ABCA9: variants seen among roughly 807,000 people sequenced by gnomAD.
ABCA9 encodes ATP-binding cassette sub-family A member 9.
A neutral mutation model predicts 205.3 loss-of-function variants in ABCA9; 183 were observed. The observed-to-expected ratio is 0.89, with a 90% CI of 0.79 to 1.01. ABCA9 has a LOEUF of 1.01. ABCA9 is among the 50% of genes least tolerant of loss of function. ABCA9 has a pLI of 0.00. For missense variants in ABCA9, 1,805 were observed against 1,912.4 expected, an observed-to-expected ratio of 0.94 and a Z score of 1.05; for synonymous variants, 651 against 683.3, an observed-to-expected ratio of 0.95 and a Z score of 0.74.
chr17:68,996,850 A>C (rs1246181289), intron 25 of ABCA9, among the ~76,000 whole-genome samples: 1 of 152,138 alleles, frequency 6.6e-6, no homozygotes, highest in Non-Finnish European at 1.5e-5. Context: ...TGACTTATAT[A>C]GTTTTCTTCC....
intron 1 of ABCA9, among the ~76,000 whole-genome samples, chr17:69,053,362 G>A (rs910830061): frequency 6.6e-6 from 1 of 152,070 alleles, no homozygotes; most frequent in Non-Finnish European, 1.5e-5. Context: ...TATAACTAAC[G>A]CTATTCCCAT....
In ABCA9 at chr17:69,007,825, A is replaced by T. The variant is rs112499807; in HGVS notation, c.3369T>A (p.Tyr1123Ter). 6 of 1,611,812 alleles carry T rather than the reference A, an allele frequency of 3.7e-6. No individual in the cohort carries two copies. Among genetic ancestry groups the T allele is most frequent in the Non-Finnish European group, 5.1e-6 (6 of 1,178,498 alleles). The change falls in exon 25 of 39, where the codon TAT becomes TAA. Residue 1123 changes from tyrosine (Y) to a stop codon, truncating the protein, a stop_gained. Coordinates refer to ENST00000340001, the MANE Select transcript of ABCA9 (RefSeq NM_080283.4). LOFTEE classifies it high-confidence loss of function. ...CATTGCGAAAAATGAATGAAATCAC[A>T]TATGTCAAGAAAACAAGAGATGAGA... ...GYVSSLVFLTYVISFIFRNGR... is the reference protein window; with the variant it reads ...GYVSSLVFLT
chr17:69,035,539 C>A, intron 7 of ABCA9, 108 bp from the exon 8 acceptor site: 1 of 1,434,470 alleles, frequency 7.0e-7, no homozygotes, highest in Non-Finnish European at 9.3e-7. Flanking sequence ...CACCCCTAGA[C>A]ACTGTTTCAT....
At chr17:68,982,747 G>T (rs527979584) in intron 36 of ABCA9, 106 bp from the exon 37 acceptor site, 194 of 812,526 alleles carry the variant, frequency 2.4e-4, no homozygotes, top group Middle Eastern at 2.4e-4. Flanking sequence ...GCCCATGCCT[G>T]TAACCACTGC....
chr17:69,030,229 C>G (rs1262311327), intron 10 of ABCA9, among the ~76,000 whole-genome samples: 2 of 152,156 alleles, frequency 1.3e-5, no homozygotes, highest in African/African-American at 4.8e-5. Flanking sequence ...ACATTTATTT[C>G]TTATAGTTCT....
intron 25 of ABCA9, among the ~76,000 whole-genome samples, chr17:69,000,750 T>C (rs1301088084): frequency 1.3e-5 from 2 of 151,636 alleles, no homozygotes; most frequent in African/African-American, 2.4e-5. Flanking sequence ...TGATTCTTCC[T>C]ACCCATGAGC....
chr17:69,070,191 A>G, the ABCA9 span, among the ~76,000 whole-genome samples: 4 of 152,212 alleles, frequency 2.6e-5, no homozygotes, highest in African/African-American at 9.6e-5. Context: ...ATACAGATAA[A>G]ATATTTAATT....
intron 36 of ABCA9, 84 bp downstream of exon 36, chr17:68,983,625 A>G: frequency 6.5e-7 from 1 of 1,538,458 alleles, no homozygotes; most frequent in Non-Finnish European, 8.8e-7. Flanking sequence ...AAGAACGAGA[A>G]GATAAAGCTC....
In ABCA9 at chr17:69,021,678, GTCCTTCCT is replaced by G. The variant is rs113625589; in HGVS notation, c.2401+56_2401+63del. 16 of 1,048,330 alleles carry G rather than the reference GTCCTTCCT, an allele frequency of 1.5e-5. No individual in the cohort carries two copies. In the Middle Eastern group the frequency reaches 6.9e-4, roughly 45 times the overall value. The allele number at this position is 1,048,330 out of a possible 1,614,324, so 64.9% of individuals were successfully genotyped here. On this transcript the variant is annotated intron_variant, in intron 18 of 38. Transcript: ENST00000340001. ...CACACAAAGATAAAATCTTTCTTTC[GTCCTTCCT>G]TCCTTCCTTCCTTTCTTTCTTTCTC... is the stretch of plus-strand genomic sequence containing the variant.
intron 27 of ABCA9, 50 bp from the exon 28 acceptor site, chr17:68,992,316 A>G: frequency 8.7e-7 from 1 of 1,146,930 alleles, no homozygotes; most frequent in Non-Finnish European, 1.2e-6. Flanking sequence ...AAATGCAATG[A>G]TTTCAATATT....
chr17:68,977,277 A>C (rs1030923081), intron 37 of ABCA9, among the ~76,000 whole-genome samples: 50 of 152,256 alleles, frequency 3.3e-4, no homozygotes, highest in Middle Eastern at 3.4e-3. Context: ...AATCAGAGGT[A>C]ATAGATGAGG....
chr17:69,031,961 T>G (rs2071164281), intron 10 of ABCA9, 147 bp downstream of exon 10: 3 of 570,930 alleles, frequency 5.3e-6, no homozygotes, highest in Non-Finnish European at 9.1e-6. Flanking sequence ...CTATGAAGGA[T>G]GAGTATAGCC....
At chr17:68,981,381 C>G (rs2069047860) in intron 37 of ABCA9, among the ~76,000 whole-genome samples, 1 of 151,990 alleles carries the variant, frequency 6.6e-6, no homozygotes, top group Non-Finnish European at 1.5e-5. Context: ...TAAAAAGCCT[C>G]TAGGGAGGCA....
intron 17 of ABCA9, chr17:69,022,494 TTG>T (rs759682144): frequency 0.061 from 8,928 of 146,826 alleles, 562 homozygotes; most frequent in African/African-American, 0.16. Flanking sequence ...CTGGCTAATT[TTG>T]TGTGTGTGTG....
chr17:68,974,955 C>T lies in ABCA9; in HGVS notation c.*960G>A, dbSNP rs1199157427. ...TGCCATGGTACTTTGCTGCACCCATCAACCCATCATCTACATCAGGTATTT... is the reference window on the plus strand; with the variant it reads ...TGCCATGGTACTTTGCTGCACCCATTAACCCATCATCTACATCAGGTATTT... On this transcript the variant is annotated 3_prime_UTR_variant, in exon 39 of 39. Coordinates refer to ENST00000340001, the MANE Select transcript of ABCA9 (RefSeq NM_080283.4). The T allele has an allele frequency of 6.6e-6, 1 of 152,128 alleles. No homozygotes were observed. The highest frequency in any genetic ancestry group is 1.5e-5 in the Non-Finnish European group (1 of 68,034). The allele number at this position is 152,128 out of a possible 1,614,324, so 9.4% of individuals were successfully genotyped here.
upstream of ABCA9, among the ~76,000 whole-genome samples, chr17:69,064,635 G>C (rs1045491602): frequency 2.0e-5 from 3 of 152,186 alleles, no homozygotes; most frequent in African/African-American, 7.2e-5. Context: ...GGAGATGGTA[G>C]AGATTAAAGG....
intron 1 of ABCA9, among the ~76,000 whole-genome samples, chr17:69,058,982 G>A (rs575974566): frequency 6.6e-6 from 1 of 152,284 alleles, no homozygotes; most frequent in Non-Finnish European, 1.5e-5. Flanking sequence ...ATGGTGCCAG[G>A]CAAGAGAGCT....
chr17:69,044,562 C>G lies in ABCA9; in HGVS notation c.508G>C (p.Gly170Arg). ...AAGCCTTTCTCCCAGAACTCTGAACCTTCACACTTCATTTTTTCATTCACT... is the reference window on the plus strand; with the variant it reads ...AAGCCTTTCTCCCAGAACTCTGAACGTTCACACTTCATTTTTTCATTCACT... ...QAVNEKMKCE[G>R]SEFWEKGFVA... The change falls in exon 5 of 39, where the codon GGT (glycine) becomes CGT (arginine). Residue 170 changes from glycine to arginine, a missense_variant. Coordinates refer to ENST00000340001, the MANE Select transcript of ABCA9 (RefSeq NM_080283.4). The G allele has an allele frequency of 1.2e-6, 2 of 1,613,104 alleles. No individual in the cohort carries two copies. The highest frequency in any genetic ancestry group is 2.2e-5 in the East Asian group (1 of 44,776).
chr17:69,071,181 G>A, the ABCA9 span, among the ~76,000 whole-genome samples: 1 of 152,208 alleles, frequency 6.6e-6, no homozygotes, highest in Non-Finnish European at 1.5e-5. Context: ...AGACTTAAAC[G>A]TTCCTGCCTG....
Sources: gnomAD v4.1 joint callset for allele counts (sites outside exome capture counted in the v4.1 genomes callset) on GRCh38, gnomAD v4.1.1 for gene constraint, MANE v1.5 for transcripts, NCBI Gene and HGNC (gene_info 2026-07-23, HGNC 2026-07-21) for gene names.